Variants in RUNX1 observed in about 807,000 individuals in gnomAD.
The protein encoded by RUNX1 is runt-related transcription factor 1.
In RUNX1, 19 loss-of-function variants were observed where a neutral mutation model predicts 42.8. That is an observed-to-expected ratio of 0.44 (90% CI 0.31 to 0.65). The LOEUF is 0.65. Among genes scored for constraint, RUNX1 ranks in the 30% least tolerant of loss-of-function variants. The pLI is 0.07. For missense variants in RUNX1, 528 were observed against 672.0 expected, an observed-to-expected ratio of 0.79 and a Z score of 2.37; for synonymous variants, 271 against 289.4, an observed-to-expected ratio of 0.94 and a Z score of 0.64.
intron 7 of RUNX1, among the ~76,000 whole-genome samples, chr21:34,818,880 A>G (rs563210883): frequency 7.9e-5 from 12 of 152,282 alleles, no homozygotes; most frequent in African/African-American, 2.9e-4. Context: ...TCTTGTTCCA[A>G]CAGCCCCTCT....
intron 2 of RUNX1, among the ~76,000 whole-genome samples, chr21:35,013,627 G>T (rs538993575): frequency 5.3e-4 from 80 of 152,306 alleles, no homozygotes; most frequent in Non-Finnish European, 8.8e-4. Flanking sequence ...CATGCACTGT[G>T]GGGTGGAATA....
chr21:34,821,632 T>G (rs775281171), intron 7 of RUNX1: 1 of 1,560,956 alleles, frequency 6.4e-7, no homozygotes, highest in South Asian at 1.2e-5. Context: ...CTATCCTGGC[T>G]GGGGAGAGGG....
At chr21:34,799,559 A>G in intron 7 of RUNX1, 97 bp from the exon 8 acceptor site, 1 of 1,073,386 alleles carries the variant, frequency 9.3e-7, no homozygotes, top group Non-Finnish European at 1.4e-6. Flanking sequence ...CAAATATGTC[A>G]CATACATGTA....
intron 2 of RUNX1, among the ~76,000 whole-genome samples, chr21:35,009,523 G>C (rs2059110343): frequency 6.6e-6 from 1 of 152,142 alleles, no homozygotes; most frequent in Admixed American, 6.5e-5. Context: ...ATATTCCTGG[G>C]ATAAGACACA....
At chr21:34,957,872 T>C (rs1229847194) in intron 2 of RUNX1, among the ~76,000 whole-genome samples, 2 of 152,180 alleles carry the variant, frequency 1.3e-5, no homozygotes, top group Middle Eastern at 3.2e-3. Flanking sequence ...GTTTACTCTA[T>C]GGCTTCATCT....
intron 2 of RUNX1, among the ~76,000 whole-genome samples, chr21:34,902,457 A>G (rs2058184700): frequency 6.6e-6 from 1 of 152,184 alleles, no homozygotes; most frequent in Non-Finnish European, 1.5e-5. Flanking sequence ...ATTCTTGGAT[A>G]CTTGGAGTAA....
intron 2 of RUNX1, among the ~76,000 whole-genome samples, chr21:34,896,483 G>T (rs1201581192): frequency 3.9e-5 from 6 of 152,224 alleles, no homozygotes; most frequent in African/African-American, 1.4e-4. Flanking sequence ...AGGAGTTCGA[G>T]ACCAGCCTGA....
At chr21:34,861,918 A>C (rs2057582351) in intron 5 of RUNX1, among the ~76,000 whole-genome samples, 1 of 151,972 alleles carries the variant, frequency 6.6e-6, no homozygotes, top group Non-Finnish European at 1.5e-5. Context: ...GTGTAGACCT[A>C]GTCTCCCAGA....
chr21:35,002,381 A>ATTTT (rs1380533087), intron 2 of RUNX1, among the ~76,000 whole-genome samples: 2 of 120,326 alleles, frequency 1.7e-5, no homozygotes, highest in Admixed American at 8.7e-5. Flanking sequence ...CACACAGCAC[A>ATTTT]TTTTATTTAT....
intron 4 of RUNX1, among the ~76,000 whole-genome samples, chr21:34,882,839 A>G (rs1463295936): frequency 1.3e-5 from 2 of 151,942 alleles, no homozygotes; most frequent in East Asian, 3.9e-4. Flanking sequence ...TTGAACACAT[A>G]TTTTTACTTC....
rs1261390449 is a variant in RUNX1 at position 34,792,684 on chromosome 21, AG to A, written c.968-75del. 5.0e-6 allele frequency: 7 copies of A among 1,405,666 alleles called. No homozygotes were observed. Among genetic ancestry groups the A allele is most frequent in the Non-Finnish European group, 5.8e-6 (6 of 1,040,442 alleles). The allele number at this position is 1,405,666 out of a possible 1,614,324, so 87.1% of individuals were successfully genotyped here. ...AGGCCACAGCTCTTCCCTCTGCCCC[AG>A]GGGGCTACCCAGGATGATACCGCCT... On this transcript the variant is annotated intron_variant, in intron 8 of 8. Coordinates refer to ENST00000675419, the MANE Select transcript of RUNX1 (RefSeq NM_001754.5). The surrounding 1 kb of genome is among the most constrained non-coding windows in gnomAD (Gnocchi z 6.9).
chr21:35,003,966 C>T (rs1348276043), intron 2 of RUNX1, among the ~76,000 whole-genome samples: 3 of 152,224 alleles, frequency 2.0e-5, no homozygotes, highest in Non-Finnish European at 2.9e-5. Context: ...TTCTACTTAT[C>T]TATTGATCCA....
At chr21:34,837,736 G>A (rs538998377) in intron 6 of RUNX1, among the ~76,000 whole-genome samples, 1 of 152,332 alleles carries the variant, frequency 6.6e-6, no homozygotes, top group East Asian at 1.9e-4. Flanking sequence ...CCAGGATGCA[G>A]CTCTGAACAC....
At chr21:34,852,651 A>C (rs2057438605) in intron 6 of RUNX1, among the ~76,000 whole-genome samples, 1 of 152,106 alleles carries the variant, frequency 6.6e-6, no homozygotes, top group South Asian at 2.1e-4. Flanking sequence ...AGTGGGGAGG[A>C]GGGGATGTGA....
At chr21:34,857,877 TGTG>T (rs2057517229) in intron 6 of RUNX1, among the ~76,000 whole-genome samples, 1 of 152,204 alleles carries the variant, frequency 6.6e-6, no homozygotes, top group Admixed American at 6.5e-5. Context: ...TGGTCCTGTC[TGTG>T]TCTATGGCCT....
At chr21:34,978,423 C>G (rs2058820005) in intron 2 of RUNX1, among the ~76,000 whole-genome samples, 1 of 151,884 alleles carries the variant, frequency 6.6e-6, no homozygotes, top group African/African-American at 2.4e-5. Flanking sequence ...ACTTTCCTTT[C>G]ATTTTTACTG....
At chr21:34,985,367 G>A (rs2058877634) in intron 2 of RUNX1, among the ~76,000 whole-genome samples, 1 of 152,240 alleles carries the variant, frequency 6.6e-6, no homozygotes, top group Non-Finnish European at 1.5e-5. Context: ...TTGCTGACTG[G>A]CTTGGAGAGC....
At chr21:34,931,252 G>T (rs112522367) in intron 2 of RUNX1, among the ~76,000 whole-genome samples, 1 of 151,026 alleles carries the variant, frequency 6.6e-6, no homozygotes, top group Non-Finnish European at 1.5e-5. Context: ...TTTTCTAAGC[G>T]TCTGGAAGGT....
intron 2 of RUNX1, among the ~76,000 whole-genome samples, chr21:35,047,486 T>G (rs7277157): frequency 6.7e-6 from 1 of 149,552 alleles, no homozygotes; most frequent in Non-Finnish European, 1.5e-5. Context: ...TTCTTCTCTT[T>G]CTCTTTAACT....
Sources: allele counts gnomAD v4.1 joint callset (sites outside exome capture counted in the v4.1 genomes callset), GRCh38; gene constraint gnomAD v4.1.1; non-coding constraint Gnocchi (gnomAD v3.1); transcripts MANE v1.5; gene names NCBI Gene and HGNC (gene_info 2026-07-23, HGNC 2026-07-21).